DGLUCY: variants seen among roughly 807,000 people sequenced by gnomAD.
DGLUCY encodes the protein D-glutamate cyclase, mitochondrial.
Under a neutral mutation model 58.5 loss-of-function variants are expected in DGLUCY, and 58 were observed. That is an observed-to-expected ratio of 0.99 (90% CI 0.80 to 1.23). The LOEUF (loss-of-function observed/expected upper bound fraction) is 1.23, where lower values mean the gene tolerates loss of function less well. DGLUCY is among the 50% of genes most tolerant of loss of function. The pLI is 0.00. For synonymous variants in DGLUCY, 325 were observed against 314.1 expected (o/e 1.03, Z -0.37); for missense variants, 779 against 784.7 (o/e 0.99, Z 0.09).
intron 1 of DGLUCY, among the ~76,000 whole-genome samples, chr14:91,067,380 G>C (rs1313672304): frequency 6.6e-6 from 1 of 152,164 alleles, no homozygotes; most frequent in Non-Finnish European, 1.5e-5. Flanking sequence ...TACCATTTAG[G>C]CAATGTGAGC....
intron 5 of DGLUCY, among the ~76,000 whole-genome samples, chr14:91,171,273 A>G (rs1373687291): frequency 6.6e-6 from 1 of 152,250 alleles, no homozygotes; most frequent in Admixed American, 6.5e-5. Context: ...AATGTCAATA[A>G]CAGAGATGTG....
chr14:91,104,966 G>A (rs975842468), upstream of DGLUCY, among the ~76,000 whole-genome samples: 3 of 152,178 alleles, frequency 2.0e-5, no homozygotes, highest in Admixed American at 6.5e-5. Context: ...ATCTTATGAC[G>A]CAGAGTTTAA....
At chr14:91,095,738 C>G (rs1359140289) in intron 1 of DGLUCY, among the ~76,000 whole-genome samples, 1 of 152,078 alleles carries the variant, frequency 6.6e-6, no homozygotes, top group Non-Finnish European at 1.5e-5. Flanking sequence ...AATGGCAGCT[C>G]TCCTTTATAC....
At chr14:91,072,403 G>T (rs2043937337) in intron 1 of DGLUCY, among the ~76,000 whole-genome samples, 1 of 151,540 alleles carries the variant, frequency 6.6e-6, no homozygotes, top group African/African-American at 2.4e-5. Flanking sequence ...TTTTGTGTTC[G>T]TTTTTTCTTA....
intron 1 of DGLUCY, among the ~76,000 whole-genome samples, chr14:91,082,818 A>G (rs1279884372): frequency 6.6e-6 from 1 of 152,106 alleles, no homozygotes; most frequent in African/African-American, 2.4e-5. Flanking sequence ...CAGTGGTATG[A>G]TCACAACTCA....
intron 3 of DGLUCY, among the ~76,000 whole-genome samples, chr14:91,164,565 G>A (rs149492252): frequency 5.9e-5 from 9 of 152,288 alleles, no homozygotes; most frequent in African/African-American, 1.4e-4. Context: ...GCCCAGTAAC[G>A]CCGTCATTCT....
Position 91,108,487 on chromosome 14 carries a change from T to G in DGLUCY, c.-82+426T>G, listed in dbSNP as rs1011310570. Among the ~76,000 whole-genome samples, 6 of 74,970 alleles carry G rather than the reference T, an allele frequency of 8.0e-5. No individual in the cohort carries two copies. In the East Asian group the frequency reaches 1.2e-3, roughly 15 times the overall value. The allele number at this position is 74,970 out of a possible 152,430, so 49.2% of individuals were successfully genotyped here. ...GTCACTGGAAAGGCCCTTGAAGAAT[T>G]TGTGTGTGTGTGTGTGTGTGTGTGT... On this transcript the variant is annotated intron_variant, in intron 1 of 4. Transcript: ENST00000518871.
chr14:91,157,895 A>T (rs1595790157), intron 2 of DGLUCY, among the ~76,000 whole-genome samples: 1 of 152,156 alleles, frequency 6.6e-6, no homozygotes, highest in Non-Finnish European at 1.5e-5. Flanking sequence ...TAACCCTCAG[A>T]CTTTGGTCTC....
intron 8 of DGLUCY, among the ~76,000 whole-genome samples, chr14:91,187,007 T>C (rs74949405): frequency 0.067 from 2 of 30 alleles, no homozygotes; most frequent in Non-Finnish European, 0.5. Flanking sequence ...CTTCTTCTTC[T>C]TTTTTTTTTT....
At chr14:91,089,079 C>T (rs1229972792) in intron 1 of DGLUCY, among the ~76,000 whole-genome samples, 1 of 152,228 alleles carries the variant, frequency 6.6e-6, no homozygotes, top group African/African-American at 2.4e-5. Context: ...GCACCAGTTG[C>T]CCCTTCTAAA....
Position 91,189,095 on chromosome 14 carries a change from A to G in DGLUCY, c.1120A>G (p.Lys374Glu). 6.2e-6 allele frequency: 10 copies of G among 1,614,142 alleles called. No individual in the cohort carries two copies. Among genetic ancestry groups the G allele is most frequent in the Non-Finnish European group, 8.5e-6 (10 of 1,180,016 alleles). ...GGTTGCCTTCCTGCAGGCCTTGGAG[A>G]AGGAGGTCGCCATAATCGTTGACCA... ...ALVAFLQALE[K>E]EVAIIVDQRA... The change falls in exon 9 of 14, where the codon AAG becomes GAG. Residue 374 changes from lysine to glutamate, a missense_variant. Transcript: ENST00000256324.
intron 3 of DGLUCY, among the ~76,000 whole-genome samples, chr14:91,163,239 G>A (rs534643129): frequency 6.6e-6 from 1 of 152,022 alleles, no homozygotes; most frequent in Admixed American, 6.6e-5. Flanking sequence ...CAGCCTGGGC[G>A]ACAGAGTGAG....
chr14:91,158,287 A>G (rs1050881182), intron 2 of DGLUCY, among the ~76,000 whole-genome samples: 54 of 152,226 alleles, frequency 3.5e-4, no homozygotes, highest in African/African-American at 1.2e-3. Context: ...TCACTGGGCA[A>G]TGGAATCCTA....
rs1417601972 is a variant in DGLUCY at position 91,114,295 on chromosome 14, G to C, written c.-82+12G>C. 1.3e-5 allele frequency: 2 copies of C among 152,350 alleles called. No homozygotes were observed. Among genetic ancestry groups the C allele is most frequent in the African/African-American group, 4.8e-5 (2 of 41,452 alleles). The allele number at this position is 152,350 out of a possible 1,614,324, so 9.4% of individuals were successfully genotyped here. A position where few individuals can be genotyped will look rare whatever the true frequency, so the allele number is the denominator to read the frequency against. On this transcript the variant is annotated intron_variant, in intron 1 of 13. Transcript: ENST00000256324. ...GCCCCAAACAAACAGTAAGTCAGAA[G>C]GGAACAGAGCACAGCACAGTCCCTC...
intron 1 of DGLUCY, among the ~76,000 whole-genome samples, chr14:91,077,509 T>C (rs1448842665): frequency 6.6e-6 from 1 of 151,252 alleles, no homozygotes; most frequent in East Asian, 2.0e-4. Context: ...ATCCCAGCAC[T>C]TTGGGAGGTC....
At position 91,063,644 on chromosome 14, in the gene DGLUCY, G is replaced by A. The variant is rs113266635; in HGVS notation, c.-82+2940G>A. On this transcript the variant is annotated intron_variant, in intron 1 of 4. Coordinates refer to the DGLUCY transcript ENST00000521334. Reference sequence around the variant, plus strand: ...GTAATATGGAGGGATCAAAATTTTAGGAAGATGTCCTGAGGCAGGCAAAGA... The same window carrying A: ...GTAATATGGAGGGATCAAAATTTTAAGAAGATGTCCTGAGGCAGGCAAAGA... 4.2e-3 allele frequency among the ~76,000 whole-genome samples: 647 copies of A among 152,318 alleles called. 6 individuals carry two copies. Among genetic ancestry groups the A allele is most frequent in the African/African-American group, 0.015 (622 of 41,572 alleles).
intron 1 of DGLUCY, among the ~76,000 whole-genome samples, chr14:91,129,839 G>A (rs1475940131): frequency 6.6e-6 from 1 of 152,042 alleles, no homozygotes; most frequent in Non-Finnish European, 1.5e-5. Context: ...AGAGATGGGA[G>A]TTTCTCCATA....
At chr14:91,215,287 T>C in intron 12 of DGLUCY, 118 bp from the exon 13 acceptor site, 3 of 1,466,664 alleles carry the variant, frequency 2.0e-6, no homozygotes, top group Non-Finnish European at 2.7e-6. Context: ...AGCTCCCAGA[T>C]GATACTGGTG....
At chr14:91,181,574 T>C (rs1218239366) in intron 8 of DGLUCY, among the ~76,000 whole-genome samples, 185 bp downstream of exon 8, 2 of 152,170 alleles carry the variant, frequency 1.3e-5, no homozygotes, top group Non-Finnish European at 2.9e-5. Flanking sequence ...AATACTGACA[T>C]TGATGGTCTC....
Sources: allele counts gnomAD v4.1 joint callset (sites outside exome capture counted in the v4.1 genomes callset), GRCh38; gene constraint gnomAD v4.1.1; transcripts MANE v1.5; gene names NCBI Gene and HGNC (gene_info 2026-07-23, HGNC 2026-07-21).